CACNA1C: variants seen among roughly 807,000 people sequenced by gnomAD.
CACNA1C encodes the protein voltage-dependent L-type calcium channel subunit alpha-1C.
CACNA1C carries 30 observed loss-of-function variants against 229.0 expected under a neutral mutation model. The ratio of observed to expected loss-of-function variants is 0.13; its 90% CI spans 0.10 to 0.18. The LOEUF (loss-of-function observed/expected upper bound fraction) is 0.18. Among genes scored for constraint, CACNA1C ranks in the 10% least tolerant of loss-of-function variants. CACNA1C has a pLI of 1.00. For synonymous variants in CACNA1C, 1,114 were observed against 1,132.5 expected, an observed-to-expected ratio of 0.98 and a Z score of 0.33; for missense variants, 1,658 against 2,845.0, an observed-to-expected ratio of 0.58 and a Z score of 9.49.
At chr12:2,389,095 G>A (rs1366565549) in intron 3 of CACNA1C, among the ~76,000 whole-genome samples, 2 of 152,184 alleles carry the variant, frequency 1.3e-5, no homozygotes, top group African/African-American at 4.8e-5. Context: ...GCAGCAATGA[G>A]ATGAGTGACT....
intron 3 of CACNA1C, among the ~76,000 whole-genome samples, chr12:2,406,406 T>TA (rs2098737635): frequency 6.6e-6 from 1 of 152,244 alleles, no homozygotes; most frequent in Non-Finnish European, 1.5e-5. Flanking sequence ...GAGCATTTGT[T>TA]ATAATCCCAC....
intron 13 of CACNA1C, among the ~76,000 whole-genome samples, chr12:2,580,844 C>A (rs1459036474): frequency 6.6e-6 from 1 of 152,208 alleles, no homozygotes; most frequent in East Asian, 1.9e-4. Context: ...TTGCTATAAT[C>A]TAGGATTTCC....
rs565508865 is a variant in CACNA1C at position 2,584,688 on chromosome 12, A to G, written c.2339+71A>G. On this transcript the variant is annotated intron_variant, in intron 16 of 46. Transcript: ENST00000399655. ...TGTGGAATGTCTTCCCACTGGTGGC[A>G]GAGAGAGGCTTGACTGCTAGCCTCT... The G allele has an allele frequency of 1.8e-4, 184 of 1,042,510 alleles. No homozygotes were observed. In the East Asian group the frequency reaches 4.4e-3, roughly 25 times the overall value. 64.6% of individuals were successfully genotyped at this position (1,042,510 alleles called of 1,614,324 possible).
At chr12:2,550,737 G>A (rs2099898793) in intron 10 of CACNA1C, 3 of 1,158,212 alleles carry the variant, frequency 2.6e-6, no homozygotes, top group Non-Finnish European at 3.4e-6. Flanking sequence ...CTCGTCTGTG[G>A]AATGATGGAG....
intron 1 of CACNA1C, among the ~76,000 whole-genome samples, chr12:2,041,271 T>C (rs12296151): frequency 1.8e-4 from 8 of 45,256 alleles, no homozygotes; most frequent in African/African-American, 1.1e-3. Context: ...AAGGGTATTC[T>C]TTTTTTTTTT....
chr12:2,063,221 G>A (rs535773768), intron 1 of CACNA1C, among the ~76,000 whole-genome samples: 22 of 149,646 alleles, frequency 1.5e-4, no homozygotes, highest in South Asian at 2.1e-4. Context: ...GTACGATCTC[G>A]TCTCACTGCA....
chr12:1,992,847 G>C, intron 1 of CACNA1C: 2 of 389,488 alleles, frequency 5.1e-6, no homozygotes, highest in Non-Finnish European at 9.2e-6. Flanking sequence ...CAAACACTTT[G>C]TCAGCTCACT....
intron 3 of CACNA1C, among the ~76,000 whole-genome samples, chr12:2,320,763 A>G (rs1200336753): frequency 1.3e-5 from 2 of 152,182 alleles, no homozygotes; most frequent in South Asian, 2.1e-4. Flanking sequence ...TCTCTATTAA[A>G]TCAGCAGCTT....
chr12:2,344,171 C>T (rs2238067), intron 3 of CACNA1C, among the ~76,000 whole-genome samples: 2 of 152,030 alleles, frequency 1.3e-5, no homozygotes, highest in Non-Finnish European at 1.5e-5. Context: ...TGCCTTCTTG[C>T]GATCTCACAC....
rs763556459 is a variant in CACNA1C at position 2,605,036 on chromosome 12, C to A, written c.2961-45C>A. 6 of 1,427,900 alleles carry A rather than the reference C, an allele frequency of 4.2e-6. No individual in the cohort carries two copies. Among genetic ancestry groups the A allele is most frequent in the Middle Eastern group, 1.7e-4 (1 of 5,746 alleles). The allele number at this position is 1,427,900 out of a possible 1,614,324, so 88.5% of individuals were successfully genotyped here. On this transcript the variant is annotated intron_variant, in intron 22 of 46. Coordinates refer to ENST00000399655, the MANE Select transcript of CACNA1C (RefSeq NM_000719.7). The surrounding 1 kb of genome is among the most constrained non-coding windows in gnomAD (Gnocchi z 6.2). Reference sequence around the variant, plus strand: ...CTTACCACATTATTTTTGCTCCCCCCAGAAACAGGAGGAGCTTACTACCCT... The same window carrying A: ...CTTACCACATTATTTTTGCTCCCCCAAGAAACAGGAGGAGCTTACTACCCT...
intron 3 of CACNA1C, among the ~76,000 whole-genome samples, chr12:2,267,122 G>C (rs1473393115): frequency 6.6e-6 from 1 of 152,110 alleles, no homozygotes; most frequent in Non-Finnish European, 1.5e-5. Flanking sequence ...TACGGGTATT[G>C]CCCGGCGCTG....
In CACNA1C at chr12:2,156,196, A is replaced by T. The variant is rs961773642; in HGVS notation, c.477+35766A>T. Among the ~76,000 whole-genome samples the T allele has an allele frequency of 3.3e-5, 5 of 152,384 alleles. 1 individual carries two copies. The highest frequency in any genetic ancestry group is 1.3e-4 in the Admixed American group (2 of 15,310). ...GAAAGGTCAAGAAATGATGATCGCA[A>T]AGTCAAGGTAATGTTGTGTTTCTGG... On this transcript the variant is annotated intron_variant, in intron 3 of 46. Transcript: ENST00000399655.
intron 1 of CACNA1C, among the ~76,000 whole-genome samples, chr12:2,110,090 C>G (rs1036602369): frequency 9.8e-5 from 15 of 152,310 alleles, no homozygotes; most frequent in African/African-American, 3.4e-4. Flanking sequence ...CCTTCCAAGT[C>G]CCCAGCACCA....
At chr12:2,172,314 C>T (rs1002631704) in intron 3 of CACNA1C, among the ~76,000 whole-genome samples, 1 of 152,236 alleles carries the variant, frequency 6.6e-6, no homozygotes, top group African/African-American at 2.4e-5. Flanking sequence ...AGGCTCTATC[C>T]TGCTGTAATG....
intron 3 of CACNA1C, among the ~76,000 whole-genome samples, chr12:2,431,546 G>A (rs12298999): frequency 7.9e-4 from 121 of 152,252 alleles, no homozygotes; most frequent in African/African-American, 2.8e-3. Flanking sequence ...CTGAGAGGTC[G>A]GTAGAACATG....
rs1271216987 is a variant in CACNA1C, at chr12:2,572,017, ATGT to A, written c.1895+4224_1895+4226del. On this transcript the variant is annotated intron_variant, in intron 13 of 46. Transcript: ENST00000399655. Reference sequence around the variant, plus strand: ...TTTGCAATGTCTTGCTGCTACTCATATGTAGAAGAAATTTCTTCTCTTTTTTTT... The same window carrying A: ...TTTGCAATGTCTTGCTGCTACTCATAAGAAGAAATTTCTTCTCTTTTTTTT... Among the ~76,000 whole-genome samples, 3 of 146,796 alleles carry A rather than the reference ATGT, an allele frequency of 2.0e-5. No homozygotes were observed. The East Asian group carries it at 6.1e-4, about 30-fold the overall frequency.
chr12:2,606,528 G>A, intron 24 of CACNA1C, 83 bp from the exon 25 acceptor site: 2 of 1,098,646 alleles, frequency 1.8e-6, no homozygotes, highest in South Asian at 2.7e-5. Context: ...CACAGTGCTG[G>A]GCTATGGAGA....
chr12:2,667,518 C>T (rs568489330), intron 37 of CACNA1C, among the ~76,000 whole-genome samples: 1 of 152,308 alleles, frequency 6.6e-6, no homozygotes, highest in South Asian at 2.1e-4. Flanking sequence ...TGTGCCTCCA[C>T]TTTGCTCCAA....
intron 10 of CACNA1C, among the ~76,000 whole-genome samples, chr12:2,554,306 A>G (rs1218055093): frequency 6.6e-6 from 1 of 152,162 alleles, no homozygotes; most frequent in South Asian, 2.1e-4. Context: ...GGGTTGCATG[A>G]ACTTCAGTTC....
Sources: gnomAD v4.1 joint callset for allele counts (sites outside exome capture counted in the v4.1 genomes callset) on GRCh38, gnomAD v4.1.1 for gene constraint, Gnocchi (gnomAD v3.1) non-coding constraint, MANE v1.5 for transcripts, NCBI Gene and HGNC (gene_info 2026-07-23, HGNC 2026-07-21) for gene names.